LAMA2: variants seen among roughly 807,000 people sequenced by gnomAD.
The protein encoded by LAMA2 is laminin subunit alpha-2.
LAMA2 carries 269 observed loss-of-function variants against 364.8 expected under a neutral mutation model. The observed-to-expected ratio is 0.74, with a 90% CI of 0.67 to 0.82. The LOEUF (loss-of-function observed/expected upper bound fraction) is 0.82. Ranked by LOEUF, LAMA2 falls within the 40% of genes least tolerant of loss-of-function variation. The pLI, the probability that LAMA2 is intolerant of heterozygous loss-of-function variation, is 0.00. For missense variants in LAMA2, 3,807 were observed against 3,873.2 expected (o/e 0.98, Z 0.45); for synonymous variants, 1,379 against 1,370.6 (o/e 1.01, Z -0.14).
At chr6:128,961,318 G>GATAGATAT (rs1257743658) in intron 1 of LAMA2, among the ~76,000 whole-genome samples, 2 of 57,786 alleles carry the variant, frequency 3.5e-5, no homozygotes, top group Non-Finnish European at 7.4e-5. Context: ...GAACTAATAT[G>GATAGATAT]ATATATATAT....
intron 1 of LAMA2, among the ~76,000 whole-genome samples, chr6:129,018,372 T>A (rs1321624328): frequency 6.6e-6 from 1 of 151,826 alleles, no homozygotes; most frequent in Non-Finnish European, 1.5e-5. Context: ...GAATCAGAAA[T>A]GTTAACTCAG....
chr6:129,483,044 G>A lies in LAMA2; in HGVS notation c.7749+1605G>A, dbSNP rs145655167. On this transcript the variant is annotated intron_variant, in intron 55 of 64. Transcript: ENST00000421865. The stretch of plus-strand genomic sequence containing the variant: ...ATTGTGCCATTGCACTCCAGCCTGC[G>A]CGACAATGTGAGACTCCGACTCGAA... Among the ~76,000 whole-genome samples, 576 of 144,926 alleles carry A rather than the reference G, an allele frequency of 4.0e-3. 4 individuals are homozygous for A. The highest frequency in any genetic ancestry group is 0.014 in the African/African-American group (535 of 38,624).
chr6:129,046,244 T>TG (rs1787484808), intron 1 of LAMA2, among the ~76,000 whole-genome samples: 4 of 152,222 alleles, frequency 2.6e-5, no homozygotes, highest in Non-Finnish European at 5.9e-5. Context: ...TTTATGTTAA[T>TG]ATGTAAGTGC....
chr6:129,363,251 T>TA (rs1777570432), intron 32 of LAMA2, among the ~76,000 whole-genome samples: 1 of 151,954 alleles, frequency 6.6e-6, no homozygotes, highest in African/African-American at 2.4e-5. Context: ...CCGCAGTGAG[T>TA]CATGATCACA....
chr6:129,404,190 C>A (rs1780128887), intron 40 of LAMA2, among the ~76,000 whole-genome samples: 1 of 151,986 alleles, frequency 6.6e-6, no homozygotes, highest in Non-Finnish European at 1.5e-5. Context: ...TCTCAGAAAC[C>A]AAGCAAGTTT....
At chr6:129,099,569 A>C (rs9321152) in intron 4 of LAMA2, among the ~76,000 whole-genome samples, 146,504 of 152,200 alleles carry the variant, frequency 0.96, 70,766 homozygotes, top group East Asian at 1. Flanking sequence ...ACATAGTCCA[A>C]ACATCTGAAG....
intron 20 of LAMA2, among the ~76,000 whole-genome samples, chr6:129,294,427 A>G (rs553017829): frequency 4.6e-5 from 7 of 152,196 alleles, no homozygotes; most frequent in Admixed American, 2.6e-4. Context: ...CAGATTTCCT[A>G]TCTAGTGAGG....
intron 15 of LAMA2, among the ~76,000 whole-genome samples, chr6:129,262,959 T>G (rs1787236197): frequency 6.6e-6 from 1 of 152,190 alleles, no homozygotes; most frequent in African/African-American, 2.4e-5. Context: ...TCATTTCTAC[T>G]TGACTTCTTG....
intron 4 of LAMA2, among the ~76,000 whole-genome samples, chr6:129,125,275 A>G (rs901446881): frequency 1.3e-5 from 2 of 152,216 alleles, no homozygotes; most frequent in Admixed American, 6.5e-5. Flanking sequence ...GAAAATGTCT[A>G]TTAGACATTT....
Position 129,467,173 on chromosome 6 carries a change from TA to T in LAMA2, c.7300+1891del, listed in dbSNP as rs149688919. Among the ~76,000 whole-genome samples, 1,148 of 151,724 alleles carry T rather than the reference TA, an allele frequency of 7.6e-3. 9 individuals are homozygous for T. Among genetic ancestry groups the T allele is most frequent in the African/African-American group, 0.027 (1,109 of 41,424 alleles). On this transcript the variant is annotated intron_variant, in intron 51 of 64. Coordinates refer to ENST00000421865, the MANE Select transcript of LAMA2 (RefSeq NM_000426.4). ...TACACCACAGAATACTATGCAGCCA[TA>T]AAAAAAGAAGGAAATCATGTCTTTT...
intron 12 of LAMA2, among the ~76,000 whole-genome samples, chr6:129,219,936 T>A (rs1468735517): frequency 2.6e-5 from 4 of 151,306 alleles, no homozygotes; most frequent in South Asian, 2.1e-4. Flanking sequence ...AACTGGCACA[T>A]GGTGCACATG....
intron 1 of LAMA2, among the ~76,000 whole-genome samples, chr6:129,005,449 CAAAG>C (rs1279126789): frequency 1.3e-5 from 2 of 151,774 alleles, no homozygotes; most frequent in Non-Finnish European, 2.9e-5. Context: ...AAAATAATAT[CAAAG>C]AAAACCTGCT....
At chr6:129,434,909 A>G (rs191802770) in intron 41 of LAMA2, among the ~76,000 whole-genome samples, 6 of 152,294 alleles carry the variant, frequency 3.9e-5, no homozygotes, top group East Asian at 1.9e-4. Flanking sequence ...AGCGTAAGAA[A>G]GGGCAAATTA....
At chr6:129,489,584 A>G (rs1784760225) in intron 56 of LAMA2, among the ~76,000 whole-genome samples, 1 of 152,214 alleles carries the variant, frequency 6.6e-6, no homozygotes, top group African/African-American at 2.4e-5. Context: ...CTTCTGGGAA[A>G]GCTTTCTTCA....
chr6:129,428,266 C>A (rs1255080246), intron 41 of LAMA2, among the ~76,000 whole-genome samples: 1 of 152,020 alleles, frequency 6.6e-6, no homozygotes, highest in African/African-American at 2.4e-5. Context: ...CCTGTCTCTA[C>A]AAAACATTTT....
chr6:129,255,924 A>C (rs773141840), intron 14 of LAMA2, among the ~76,000 whole-genome samples: 4 of 152,048 alleles, frequency 2.6e-5, no homozygotes, highest in Non-Finnish European at 5.9e-5. Flanking sequence ...TGCAGCCAAC[A>C]TTTTACCCTA....
chr6:129,425,882 C>T (rs1781302704), intron 40 of LAMA2, among the ~76,000 whole-genome samples: 1 of 151,722 alleles, frequency 6.6e-6, no homozygotes, highest in Non-Finnish European at 1.5e-5. Context: ...CCTTTTCTCT[C>T]CACTTTAATC....
intron 4 of LAMA2, among the ~76,000 whole-genome samples, chr6:129,104,266 A>C (rs1775695405): frequency 6.6e-6 from 1 of 152,176 alleles, no homozygotes; most frequent in Non-Finnish European, 1.5e-5. Context: ...CTAAAGTTAC[A>C]GTCTTCTGAG....
At chr6:129,474,298 C>T (rs535306866) in intron 52 of LAMA2, among the ~76,000 whole-genome samples, 1 of 152,076 alleles carries the variant, frequency 6.6e-6, no homozygotes, top group Admixed American at 6.6e-5. Flanking sequence ...CATTCTATGA[C>T]AGCTAGTGTG....
Sources: gnomAD v4.1 joint callset for allele counts (sites outside exome capture counted in the v4.1 genomes callset) on GRCh38, gnomAD v4.1.1 for gene constraint, MANE v1.5 for transcripts, NCBI Gene and HGNC (gene_info 2026-07-23, HGNC 2026-07-21) for gene names.